The following GANC variants were observed in gnomAD, a reference collection of about 807,000 sequenced individuals.
GANC encodes glucosidase alpha, neutral C, also known as neutral alpha-glucosidase C.
Under a neutral mutation model 124.2 loss-of-function variants are expected in GANC, and 117 were observed. That is an observed-to-expected ratio of 0.94 (90% CI 0.81 to 1.10). The LOEUF (loss-of-function observed/expected upper bound fraction) is 1.10. Ranked by LOEUF, GANC falls within the 50% of genes least tolerant of loss-of-function variation. GANC has a pLI of 0.00. For missense variants in GANC, 1,140 were observed against 1,095.0 expected, an observed-to-expected ratio of 1.04 and a Z score of -0.58; for synonymous variants, 377 against 376.8, an observed-to-expected ratio of 1.00 and a Z score of -0.01.
intron 1 of GANC, 111 bp from the exon 2 acceptor site, chr15:42,276,237 A>G (rs1429719190): frequency 4.8e-6 from 3 of 628,656 alleles, no homozygotes; most frequent in African/African-American, 1.9e-5. Flanking sequence ...GCATTGCAGA[A>G]TAGACTCCAA....
intron 6 of GANC, among the ~76,000 whole-genome samples, chr15:42,303,004 A>G (rs910427680): frequency 5.3e-5 from 8 of 152,176 alleles, no homozygotes; most frequent in Non-Finnish European, 1.0e-4. Flanking sequence ...AATACAGAGA[A>G]CACCACAAAG....
At position 42,273,831 on chromosome 15, in the gene GANC, T is replaced by C. The variant is rs1283025441; in HGVS notation, c.-651T>C. 1.9e-5 allele frequency: 4 copies of C among 209,884 alleles called. No individual in the cohort carries two copies. The highest frequency in any genetic ancestry group is 6.9e-5 in the African/African-American group (3 of 43,608). The allele number at this position is 209,884 out of a possible 1,614,324, so 13.0% of individuals were successfully genotyped here. On this transcript the variant is annotated 5_prime_UTR_variant, in exon 1 of 24. Coordinates refer to ENST00000318010, the MANE Select transcript of GANC (RefSeq NM_198141.3). ...TGGCTGCCCAAGTGGCGTCTAGTAG[T>C]GAGTTCTCCGGTTTGGGTGGTATTT...
At position 42,349,404 on chromosome 15, in the gene GANC, T is replaced by C; in HGVS notation, c.2440T>C (p.Tyr814His). The part of the protein sequence containing the change: ...STKGSSVGEL[Y>H]LDDGHSFQYL... ...CCAGGGTTCTTCAGTGGGTGAGTTA[T>C]ATCTTGATGATGGCCATTCATTCCA... is the stretch of plus-strand genomic sequence containing the variant. Residue 814 changes from tyrosine to histidine, a missense_variant, in exon 22 of 24, where the codon TAT becomes CAT. Tyr to His is a moderately conservative substitution (Grantham distance 83, BLOSUM62 2). Coordinates refer to ENST00000318010, the MANE Select transcript of GANC (RefSeq NM_198141.3). The C allele has an allele frequency of 6.2e-7, 1 of 1,612,094 alleles. No individual in the cohort carries two copies.
At chr15:42,315,985 T>G (rs926149134) in intron 10 of GANC, among the ~76,000 whole-genome samples, 1 of 152,138 alleles carries the variant, frequency 6.6e-6, no homozygotes, top group African/African-American at 2.4e-5. Flanking sequence ...TCTCTCTCTG[T>G]GTATGTATAC....
intron 21 of GANC, among the ~76,000 whole-genome samples, chr15:42,349,039 A>AT (rs1366607532): frequency 6.6e-6 from 1 of 152,076 alleles, no homozygotes; most frequent in Non-Finnish European, 1.5e-5. Flanking sequence ...TTATGTATTA[A>AT]TTTTTTTTAA....
At chr15:42,286,770 C>A (rs1261523704) in intron 3 of GANC, among the ~76,000 whole-genome samples, 1 of 152,176 alleles carries the variant, frequency 6.6e-6, no homozygotes. Context: ...TTTACTTGCA[C>A]CACATTGTAC....
At chr15:42,329,176 T>C (rs544082521) in intron 13 of GANC, 130 bp from the exon 14 acceptor site, 10 of 893,002 alleles carry the variant, frequency 1.1e-5, no homozygotes, top group South Asian at 1.8e-5. Flanking sequence ...GTGGAACTTA[T>C]ACTCTAGCAG....
In GANC at chr15:42,331,018, C is replaced by G. The variant is rs144771209; in HGVS notation, c.1741+346C>G. On this transcript the variant is annotated intron_variant, in intron 15 of 23. Transcript: ENST00000318010. ...TTCACCATGTTGCCCAGGCTAGTCT[C>G]GAACTCCTGGACTCAAGCGATCTGC... Among the ~76,000 whole-genome samples, 1,222 of 152,048 alleles carry G rather than the reference C, an allele frequency of 8.0e-3. 14 individuals carry two copies. The highest frequency in any genetic ancestry group is 0.028 in the African/African-American group (1,168 of 41,466).
chr15:42,295,984 A>G (rs2141030260), intron 5 of GANC, among the ~76,000 whole-genome samples: 1 of 152,194 alleles, frequency 6.6e-6, no homozygotes, highest in East Asian at 1.9e-4. Flanking sequence ...TCTACTAAAA[A>G]TACAAAAAAA....
chr15:42,340,076 G>C (rs1282630806), intron 17 of GANC, among the ~76,000 whole-genome samples, 164 bp downstream of exon 17: 8 of 152,210 alleles, frequency 5.3e-5, no homozygotes, highest in Admixed American at 5.2e-4. Flanking sequence ...GGTGAACAGG[G>C]TGCTGGCTGT....
At chr15:42,278,736 G>C in intron 3 of GANC, 146 bp downstream of exon 3, 1 of 576,336 alleles carries the variant, frequency 1.7e-6, no homozygotes, top group South Asian at 2.2e-5. Flanking sequence ...GCTCACGCCT[G>C]TAATCCCAGC....
At chr15:42,281,070 A>G (rs974097984) in intron 3 of GANC, 2 of 702,510 alleles carry the variant, frequency 2.8e-6, no homozygotes, top group Admixed American at 2.0e-5. Flanking sequence ...TACCTGGGAC[A>G]TCAGCAACGT....
At chr15:42,312,720 C>T (rs1159537870) in intron 10 of GANC, among the ~76,000 whole-genome samples, 1 of 152,114 alleles carries the variant, frequency 6.6e-6, no homozygotes, top group Non-Finnish European at 1.5e-5. Context: ...GGGTGGATCA[C>T]TTGAGGTCAG....
intron 5 of GANC, among the ~76,000 whole-genome samples, chr15:42,295,639 GACACACACACACACACACACACACAC>G (rs60220273): frequency 2.2e-5 from 3 of 137,640 alleles, no homozygotes; most frequent in African/African-American, 5.6e-5. Context: ...CTTTATTATA[GACACACACACACACACACACACACAC>G]ACACACACAC....
intron 4 of GANC, 28 bp downstream of exon 4, chr15:42,287,846 G>C (rs376729906): frequency 9.6e-5 from 153 of 1,592,946 alleles, no homozygotes; most frequent in Non-Finnish European, 1.3e-4. Flanking sequence ...GTATTTTAGA[G>C]ACACGCTTGA....
intron 21 of GANC, 126 bp downstream of exon 21, chr15:42,348,342 A>G (rs2052385937): frequency 4.7e-6 from 3 of 637,020 alleles, no homozygotes; most frequent in African/African-American, 3.8e-5. Flanking sequence ...GGTTTGAATC[A>G]TTTCTGAATC....
chr15:42,308,177 G>A (rs757757459), intron 7 of GANC, 45 bp from the exon 8 acceptor site: 2 of 1,231,670 alleles, frequency 1.6e-6, no homozygotes, highest in Admixed American at 1.9e-5. Flanking sequence ...CTCCTTAAGT[G>A]AGTGTTCTTT....
intron 3 of GANC, among the ~76,000 whole-genome samples, chr15:42,280,513 G>T (rs1566948516): frequency 6.6e-6 from 1 of 152,172 alleles, no homozygotes; most frequent in African/African-American, 2.4e-5. Context: ...AGCAGAAGCA[G>T]TTGGCTCCAG....
chr15:42,344,226 G>A (rs2052347414), intron 19 of GANC, among the ~76,000 whole-genome samples: 1 of 152,182 alleles, frequency 6.6e-6, no homozygotes, highest in South Asian at 2.1e-4. Context: ...TCACAATTCT[G>A]GAGGCTTGAA....
Sources: allele counts gnomAD v4.1 joint callset (sites outside exome capture counted in the v4.1 genomes callset), GRCh38; gene constraint gnomAD v4.1.1; transcripts MANE v1.5; gene names NCBI Gene and HGNC (gene_info 2026-07-23, HGNC 2026-07-21).